The following HDAC9 variants were observed in gnomAD, a reference collection of about 807,000 sequenced individuals.
The protein encoded by HDAC9 is histone deacetylase 9, also known as MEF-2 interacting transcription repressor (MITR) protein.
A neutral mutation model predicts 139.4 loss-of-function variants in HDAC9; 41 were observed. The observed-to-expected ratio is 0.29, with a 90% confidence interval of 0.23 to 0.38. HDAC9 has a LOEUF of 0.38. Among genes scored for constraint, HDAC9 ranks in the 10% least tolerant of loss-of-function variants. The pLI is 1.00. For synonymous variants in HDAC9, 517 were observed against 476.2 expected, an observed-to-expected ratio of 1.09 and a Z score of -1.12; for missense variants, 1,147 against 1,297.0, an observed-to-expected ratio of 0.88 and a Z score of 1.78.
At chr7:18,580,087 TATCCTTAG>T (rs1244141046) in intron 2 of HDAC9, among the ~76,000 whole-genome samples, 1 of 152,206 alleles carries the variant, frequency 6.6e-6, no homozygotes, top group African/African-American at 2.4e-5. Context: ...GTAACTAGAT[TATCCTTAG>T]TACTCTGAAT....
At chr7:18,217,949 T>C (rs961915660) in intron 2 of HDAC9, among the ~76,000 whole-genome samples, 1 of 152,206 alleles carries the variant, frequency 6.6e-6, no homozygotes, top group African/African-American at 2.4e-5. Flanking sequence ...GCTGCTGTTA[T>C]CTGAAGGCTT....
At chr7:18,091,820 C>T (rs1782170574) in intron 1 of HDAC9, among the ~76,000 whole-genome samples, 2 of 152,184 alleles carry the variant, frequency 1.3e-5, no homozygotes, top group South Asian at 4.1e-4. Context: ...AGGACTGAGG[C>T]CTCCATTTTC....
chr7:18,762,079 C>G (rs927768006), intron 14 of HDAC9, 78 bp from the exon 15 acceptor site: 1 of 1,484,174 alleles, frequency 6.7e-7, no homozygotes, highest in African/African-American at 1.4e-5. Context: ...TATTAATCAT[C>G]TTAAATGTGA....
At chr7:18,670,140 A>T (rs1193530334) in intron 12 of HDAC9, among the ~76,000 whole-genome samples, 1 of 151,870 alleles carries the variant, frequency 6.6e-6, no homozygotes, top group Non-Finnish European at 1.5e-5. Flanking sequence ...TAGGTGTGTG[A>T]TTGAAGGTTT....
intron 2 of HDAC9, among the ~76,000 whole-genome samples, chr7:18,507,354 C>T (rs1009095092): frequency 1.3e-5 from 2 of 151,510 alleles, no homozygotes; most frequent in African/African-American, 4.8e-5. Context: ...CCACGCCCGG[C>T]TAGTTTTTTT....
At chr7:18,329,407 ACATATTGTACTC>A (rs1800729456) in intron 1 of HDAC9, among the ~76,000 whole-genome samples, 1 of 151,882 alleles carries the variant, frequency 6.6e-6, no homozygotes, top group African/African-American at 2.4e-5. Flanking sequence ...AATCAAAATA[ACATATTGTACTC>A]CATAAATATA....
chr7:18,348,917 G>A (rs1238211073), intron 1 of HDAC9, among the ~76,000 whole-genome samples: 1 of 152,124 alleles, frequency 6.6e-6, no homozygotes, highest in Admixed American at 6.5e-5. Context: ...AATGGAGTCT[G>A]AGAACACAGA....
At chr7:18,129,559 C>T (rs1784880020) in intron 1 of HDAC9, among the ~76,000 whole-genome samples, 1 of 152,040 alleles carries the variant, frequency 6.6e-6, no homozygotes, top group Non-Finnish European at 1.5e-5. Flanking sequence ...AATATTAAAA[C>T]CTGAGGAAAG....
chr7:18,677,803 G>C (rs1157597196), intron 12 of HDAC9, among the ~76,000 whole-genome samples: 1 of 151,724 alleles, frequency 6.6e-6, no homozygotes, highest in African/African-American at 2.4e-5. Flanking sequence ...TTTGTCATTG[G>C]CCTTCCATTT....
intron 2 of HDAC9, among the ~76,000 whole-genome samples, chr7:18,251,705 C>T (rs1301262926): frequency 1.3e-5 from 2 of 152,092 alleles, no homozygotes; most frequent in African/African-American, 2.4e-5. Context: ...GATGGACAAC[C>T]TTTAATCTTG....
chr7:18,413,136 G>A (rs1004673165), intron 1 of HDAC9, among the ~76,000 whole-genome samples: 5 of 152,032 alleles, frequency 3.3e-5, no homozygotes, highest in East Asian at 1.9e-4. Flanking sequence ...AGTTTTCATC[G>A]CAATTTGAAG....
At chr7:18,749,262 A>C in intron 14 of HDAC9, 124 bp downstream of exon 14, 1 of 1,023,672 alleles carries the variant, frequency 9.8e-7, no homozygotes, top group Non-Finnish European at 1.4e-6. Flanking sequence ...TTGATGAACC[A>C]TCATAGATTC....
chr7:18,709,640 T>C (rs1784200745), intron 12 of HDAC9, among the ~76,000 whole-genome samples: 1 of 152,232 alleles, frequency 6.6e-6, no homozygotes, highest in South Asian at 2.1e-4. Context: ...ATGTTTGTAT[T>C]TGTGCTTGGG....
chr7:18,794,581 CAG>C (rs1491251969), intron 17 of HDAC9, among the ~76,000 whole-genome samples: 1 of 152,160 alleles, frequency 6.6e-6, no homozygotes, highest in Non-Finnish European at 1.5e-5. Context: ...TTGCTCATCT[CAG>C]GGGATATATG....
At chr7:18,123,504 C>T (rs1488312491) in intron 1 of HDAC9, among the ~76,000 whole-genome samples, 2 of 152,252 alleles carry the variant, frequency 1.3e-5, no homozygotes, top group South Asian at 2.1e-4. Flanking sequence ...AAAATCATCA[C>T]GGGGCCCACA....
chr7:18,681,242 T>C (rs780133330), intron 12 of HDAC9, among the ~76,000 whole-genome samples: 3 of 151,930 alleles, frequency 2.0e-5, no homozygotes, highest in Non-Finnish European at 1.5e-5. Flanking sequence ...AAAAAGAAAA[T>C]ATTTTGTTTC....
At chr7:18,895,330 G>C (rs939836662) in intron 22 of HDAC9, among the ~76,000 whole-genome samples, 1 of 152,104 alleles carries the variant, frequency 6.6e-6, no homozygotes, top group African/African-American at 2.4e-5. Context: ...TAAAAGGAAA[G>C]TGAGACAATG....
intron 1 of HDAC9, among the ~76,000 whole-genome samples, chr7:18,137,827 G>C (rs1435889311): frequency 2.0e-5 from 3 of 152,194 alleles, no homozygotes; most frequent in Non-Finnish European, 2.9e-5. Context: ...CATAAAATGA[G>C]TTAGGAAGGA....
chr7:18,533,079 C>A (rs1355923036), intron 2 of HDAC9, among the ~76,000 whole-genome samples: 1 of 152,148 alleles, frequency 6.6e-6, no homozygotes, highest in African/African-American at 2.4e-5. Flanking sequence ...ACTGCTGAAC[C>A]AAGTCATGTA....
Sources: gnomAD v4.1 joint callset for allele counts (sites outside exome capture counted in the v4.1 genomes callset) on GRCh38, gnomAD v4.1.1 for gene constraint, MANE v1.5 for transcripts, NCBI Gene and HGNC (gene_info 2026-07-23, HGNC 2026-07-21) for gene names.